Variants in IFI27L1 observed in about 807,000 individuals in gnomAD.
IFI27L1 encodes interferon alpha-inducible protein 27-like protein 1.
IFI27L1 carries 3 observed loss-of-function variants against 9.2 expected under a neutral mutation model. The observed-to-expected ratio is 0.32, with a 90% confidence interval of 0.15 to 0.84. The LOEUF (loss-of-function observed/expected upper bound fraction) is 0.84, where lower values mean the gene tolerates loss of function less well. Among genes scored for constraint, IFI27L1 ranks in the 40% least tolerant of loss-of-function variants. The probability of loss-of-function intolerance (pLI) is 0.56; values close to 1 mark genes in which losing one functional copy is unlikely to be tolerated. For synonymous variants in IFI27L1, 53 were observed against 50.0 expected, an observed-to-expected ratio of 1.06 and a Z score of -0.26; for missense variants, 133 against 134.2, an observed-to-expected ratio of 0.99 and a Z score of 0.05.
In IFI27L1 at chr14:94,091,813, C is replaced by CT. The variant is rs536131001; in HGVS notation, c.-51-5063dup. ...GCTTATTCAAAAGGCAAACAAAAATCTTTTTTTTTTTAATATAACATGAAA... is the reference window on the plus strand; with the variant it reads ...GCTTATTCAAAAGGCAAACAAAAATCTTTTTTTTTTTTAATATAACATGAAA... On this transcript the variant is annotated intron_variant, in intron 1 of 4. Transcript: ENST00000555523. 3.7e-3 allele frequency among the ~76,000 whole-genome samples: 549 copies of CT among 146,518 alleles called. 15 individuals carry two copies. In the South Asian group the frequency reaches 0.061, roughly 16 times the overall value.
intron 3 of IFI27L1, 200 bp downstream of exon 3, chr14:94,100,971 C>G (rs1329087469): frequency 7.8e-6 from 5 of 638,362 alleles, no homozygotes; most frequent in Non-Finnish European, 1.4e-5. Context: ...TTGGAGGCAG[C>G]CAGAGCTGGG....
At chr14:94,099,690 C>T (rs974444390) in intron 2 of IFI27L1, among the ~76,000 whole-genome samples, 2 of 152,064 alleles carry the variant, frequency 1.3e-5, no homozygotes, top group African/African-American at 4.8e-5. Context: ...GTTACAGCAG[C>T]CTAGGAAACT....
rs765508462 is a variant in IFI27L1, at chr14:94,101,923, C to T, written c.171C>T (p.Ala57=). The T allele has an allele frequency of 1.2e-5, 20 of 1,614,242 alleles. No individual in the cohort carries two copies. The East Asian group carries it at 4.5e-4, about 36-fold the overall frequency. Residue 57 remains alanine, a synonymous_variant, in exon 4 of 5, where the codon GCC becomes GCT. Transcript: ENST00000555523. ...AAKMMSTAAI[A]NGGGVAAGSL... is the part of the protein sequence containing the mutation. Reference sequence around the variant, plus strand: ...AGATGATGTCTACAGCAGCCATTGCCAACGGGGGCGGAGTTGCTGCTGGCA... The same window carrying T: ...AGATGATGTCTACAGCAGCCATTGCTAACGGGGGCGGAGTTGCTGCTGGCA...
intron 1 of IFI27L1, among the ~76,000 whole-genome samples, chr14:94,085,010 G>C (rs1273241102): frequency 6.6e-6 from 1 of 151,964 alleles, no homozygotes; most frequent in African/African-American, 2.4e-5. Context: ...AAAAAAAAAA[G>C]TAATCAAGAT....
Position 94,096,935 on chromosome 14 carries a change from A to G in IFI27L1, c.-3A>G. On this transcript the variant is annotated 5_prime_UTR_variant, in exon 2 of 5. Coordinates refer to ENST00000555523, the MANE Select transcript of IFI27L1 (RefSeq NM_206949.3). Reference sequence around the variant, plus strand: ...GAGGCTCACCGAGGCGAAGGGGCCAACCATGGGAAAGGAGAGTGGATGGGA... The same window carrying G: ...GAGGCTCACCGAGGCGAAGGGGCCAGCCATGGGAAAGGAGAGTGGATGGGA... 1.2e-6 allele frequency: 2 copies of G among 1,613,700 alleles called. No homozygotes were observed. The highest frequency in any genetic ancestry group is 1.7e-6 in the Non-Finnish European group (2 of 1,179,742).
intron 3 of IFI27L1, 32 bp from the exon 4 acceptor site, chr14:94,101,782 T>G (rs1886905561): frequency 6.2e-7 from 1 of 1,612,952 alleles, no homozygotes; most frequent in Admixed American, 1.7e-5. Context: ...CTCCGTCCCA[T>G]GGGGCCAACC....
chr14:94,099,237 G>A (rs940969047), intron 2 of IFI27L1, among the ~76,000 whole-genome samples: 2 of 152,220 alleles, frequency 1.3e-5, no homozygotes, highest in Non-Finnish European at 2.9e-5. Context: ...GCAGGTGCAG[G>A]CACTGCTCAT....
chr14:94,102,015 T>G (rs1359792718), intron 4 of IFI27L1, 40 bp downstream of exon 4: 4 of 1,612,438 alleles, frequency 2.5e-6, no homozygotes, highest in South Asian at 2.2e-5. Flanking sequence ...CAGGAGATGA[T>G]CCAGCCCCGA....
At chr14:94,100,843 C>T in intron 3 of IFI27L1, 72 bp downstream of exon 3, 2 of 1,543,004 alleles carry the variant, frequency 1.3e-6, no homozygotes, top group South Asian at 2.2e-5. Flanking sequence ...CTGGGAGAAA[C>T]TGGCTTTGAC....
At chr14:94,081,510 C>A in intron 1 of IFI27L1, 61 bp downstream of exon 1, 1 of 152,810 alleles carries the variant, frequency 6.5e-6, no homozygotes, top group South Asian at 2.0e-4. Context: ...GATCCAGACC[C>A]CAAGAGAGGG....
At chr14:94,101,689 C>T in intron 3 of IFI27L1, 125 bp from the exon 4 acceptor site, 1 of 924,628 alleles carries the variant, frequency 1.1e-6, no homozygotes, top group Non-Finnish European at 1.6e-6. Context: ...TTTTGGGATC[C>T]CATCCCTGCT....
At chr14:94,091,271 C>G (rs150952527) in intron 1 of IFI27L1, among the ~76,000 whole-genome samples, 4 of 152,124 alleles carry the variant, frequency 2.6e-5, no homozygotes, top group Non-Finnish European at 5.9e-5. Context: ...TTAGGACAGC[C>G]GCTATTATAG....
intron 1 of IFI27L1, among the ~76,000 whole-genome samples, chr14:94,086,377 A>G (rs948716337): frequency 6.6e-6 from 1 of 152,186 alleles, no homozygotes; most frequent in African/African-American, 2.4e-5. Flanking sequence ...CCAGTCTCAG[A>G]TATTTCTTTA....
chr14:94,100,525 G>T, intron 2 of IFI27L1: 1 of 985,454 alleles, frequency 1.0e-6, no homozygotes, highest in Non-Finnish European at 1.2e-6. Flanking sequence ...GACTTCTGAT[G>T]CGGGGACCTG....
chr14:94,090,300 G>A lies in IFI27L1; in HGVS notation c.-51-6587G>A, dbSNP rs568143421. The stretch of plus-strand genomic sequence containing the variant: ...AAAAAAACTCAAAAACAACTGATGA[G>A]ACTAGAATTTAATAACTGGTGTACC... On this transcript the variant is annotated intron_variant, in intron 1 of 4. Coordinates refer to ENST00000555523, the MANE Select transcript of IFI27L1 (RefSeq NM_206949.3). Among the ~76,000 whole-genome samples the A allele has an allele frequency of 3.1e-3, 476 of 152,290 alleles. 3 individuals carry two copies. The highest frequency in any genetic ancestry group is 0.011 in the African/African-American group (444 of 41,556).
At chr14:94,086,824 A>G (rs1385904777) in intron 1 of IFI27L1, among the ~76,000 whole-genome samples, 1 of 152,226 alleles carries the variant, frequency 6.6e-6, no homozygotes, top group Non-Finnish European at 1.5e-5. Context: ...GCTTCGAGGT[A>G]AACCCATTTC....
chr14:94,098,154 A>G (rs1301790686), intron 2 of IFI27L1, among the ~76,000 whole-genome samples: 3 of 152,198 alleles, frequency 2.0e-5, no homozygotes, highest in East Asian at 1.9e-4. Flanking sequence ...ACAAAGGTCC[A>G]TGGATTGAAT....
At chr14:94,097,065 C>A in intron 2 of IFI27L1, 100 bp downstream of exon 2, 1 of 891,290 alleles carries the variant, frequency 1.1e-6, no homozygotes, top group Non-Finnish European at 1.7e-6. Context: ...CCCCAAATAA[C>A]AGAGAGGGAG....
intron 1 of IFI27L1, among the ~76,000 whole-genome samples, chr14:94,081,941 T>C (rs566617500): frequency 3.9e-4 from 60 of 151,920 alleles, no homozygotes; most frequent in African/African-American, 1.4e-3. Context: ...AAAGAAAGAG[T>C]CGCACATCTC....
Sources: gnomAD v4.1 joint callset for allele counts (sites outside exome capture counted in the v4.1 genomes callset) on GRCh38, gnomAD v4.1.1 for gene constraint, MANE v1.5 for transcripts, NCBI Gene and HGNC (gene_info 2026-07-23, HGNC 2026-07-21) for gene names.